Variants in STK32B observed in about 807,000 individuals in gnomAD.
STK32B encodes the protein serine/threonine kinase 32B, also known as serine/threonine-protein kinase 32B.
STK32B carries 43 observed loss-of-function variants against 52.6 expected under a neutral mutation model. The observed-to-expected ratio is 0.82, with a 90% CI of 0.64 to 1.05. The LOEUF (loss-of-function observed/expected upper bound fraction) is 1.05, where lower values mean the gene tolerates loss of function less well. Among genes scored for constraint, STK32B ranks in the 50% least tolerant of loss-of-function variants. STK32B has a pLI of 0.00. For synonymous variants in STK32B, 238 were observed against 204.3 expected, an observed-to-expected ratio of 1.17 and a Z score of -1.41; for missense variants, 621 against 534.6, an observed-to-expected ratio of 1.16 and a Z score of -1.59.
chr4:5,439,802 A>G (rs955944667), intron 6 of STK32B, among the ~76,000 whole-genome samples: 10 of 152,032 alleles, frequency 6.6e-5, no homozygotes, highest in Admixed American at 6.5e-4. Context: ...GAAGGGATCC[A>G]GTTTCAGCTT....
chr4:5,489,148 C>T (rs983988323), intron 11 of STK32B, among the ~76,000 whole-genome samples: 1 of 151,994 alleles, frequency 6.6e-6, no homozygotes, highest in Non-Finnish European at 1.5e-5. Context: ...TTAAACATAA[C>T]CTTAAGATTT....
intron 3 of STK32B, among the ~76,000 whole-genome samples, chr4:5,281,023 G>T (rs1728158483): frequency 6.6e-6 from 1 of 152,154 alleles, no homozygotes; most frequent in Non-Finnish European, 1.5e-5. Flanking sequence ...CGTGGCTGGG[G>T]ATGCCTCAGG....
At chr4:5,241,432 C>T (rs906019454) in intron 3 of STK32B, among the ~76,000 whole-genome samples, 1 of 152,108 alleles carries the variant, frequency 6.6e-6, no homozygotes, top group African/African-American at 2.4e-5. Flanking sequence ...CTGACCAGCA[C>T]CTGGAGTGCA....
intron 4 of STK32B, among the ~76,000 whole-genome samples, chr4:5,359,892 C>A (rs1351506271): frequency 6.6e-6 from 1 of 152,152 alleles, no homozygotes; most frequent in Non-Finnish European, 1.5e-5. Context: ...TCAGCCTCTG[C>A]TTTTACTCTG....
chr4:5,500,500 A>ATTTG lies in STK32B; in HGVS notation c.*1424_*1427dup, dbSNP rs1183147895. ...AAATGTTCTTCCTGGGGTCTTTGAT[A>ATTTG]TTTGTTTGTTACATCCTGCTGAAGT... On this transcript the variant is annotated 3_prime_UTR_variant, in exon 12 of 12. Transcript: ENST00000282908. The ATTTG allele has an allele frequency of 1.3e-5, 2 of 151,962 alleles. No individual in the cohort carries two copies. Among genetic ancestry groups the ATTTG allele is most frequent in the Admixed American group, 6.6e-5 (1 of 15,252 alleles). The allele number at this position is 151,962 out of a possible 1,614,324, so 9.4% of individuals were successfully genotyped here.
chr4:5,240,052 T>TTCTC (rs10563867), intron 3 of STK32B, among the ~76,000 whole-genome samples: 13 of 147,888 alleles, frequency 8.8e-5, no homozygotes, highest in South Asian at 2.2e-4. Flanking sequence ...TTCATTTCTC[T>TTCTC]TCTCTCTCTC....
In STK32B at chr4:5,385,952, TCCACCCACAGCCCCCACTC is replaced by T. The variant is rs1450338275; in HGVS notation, c.435-12254_435-12236del. On this transcript the variant is annotated intron_variant, in intron 4 of 11. Transcript: ENST00000282908. ...CCCACCCACAGCCCCCACTCACAGC[TCCACCCACAGCCCCCACTC>T]ACAGCTCCACCCACAGCCCCCACCC... Among the ~76,000 whole-genome samples, 116 of 12,742 alleles carry T rather than the reference TCCACCCACAGCCCCCACTC, an allele frequency of 9.1e-3. 1 individual carries two copies. The highest frequency in any genetic ancestry group is 2.3e-3 in the Non-Finnish European group (17 of 7,482). 8.4% of individuals were successfully genotyped at this position (12,742 alleles called of 152,430 possible). A position where few individuals can be genotyped will look rare whatever the true frequency, so the allele number is the denominator to read the frequency against.
chr4:5,031,486 C>G, the STK32B span, among the ~76,000 whole-genome samples: 6 of 152,074 alleles, frequency 3.9e-5, no homozygotes, highest in South Asian at 1.2e-3. Context: ...GTGGTCCTAG[C>G]TACTGGGGAG....
At chr4:5,130,169 G>A (rs1007940904) in intron 1 of STK32B, among the ~76,000 whole-genome samples, 11 of 143,118 alleles carry the variant, frequency 7.7e-5, no homozygotes, top group Admixed American at 7.4e-5. Context: ...CACCTTCTCC[G>A]GCGGGGGGAG....
intron 8 of STK32B, among the ~76,000 whole-genome samples, chr4:5,457,585 C>T (rs1380047677): frequency 6.6e-6 from 1 of 150,770 alleles, no homozygotes; most frequent in African/African-American, 2.4e-5. Flanking sequence ...TTGGGTATCT[C>T]GGCTGGGCGC....
intron 6 of STK32B, among the ~76,000 whole-genome samples, chr4:5,438,344 T>C (rs1012161332): frequency 6.6e-6 from 1 of 152,180 alleles, no homozygotes; most frequent in African/African-American, 2.4e-5. Context: ...AAGCATTAAA[T>C]ATTCACTCAT....
the STK32B span, among the ~76,000 whole-genome samples, chr4:5,037,817 C>G: frequency 2.6e-5 from 4 of 152,208 alleles, no homozygotes; most frequent in Non-Finnish European, 4.4e-5. Context: ...TACCACTGCA[C>G]TGTTTTCTTC....
the STK32B span, among the ~76,000 whole-genome samples, chr4:5,044,373 C>T: frequency 6.6e-6 from 1 of 152,148 alleles, no homozygotes; most frequent in Admixed American, 6.5e-5. Context: ...GGGACTGCTA[C>T]ACACCCACCA....
Position 5,244,696 on chromosome 4 carries a change from T to A in STK32B, c.260+76246T>A, listed in dbSNP as rs1725311812. ...GGTGTCAATTTTAGATCTTTCCTGC[T>A]TTCTCTTGTGGGCATTTACTGCTAT... On this transcript the variant is annotated intron_variant, in intron 3 of 11. Coordinates refer to ENST00000282908, the MANE Select transcript of STK32B (RefSeq NM_018401.3). Among the ~76,000 whole-genome samples, 3 of 152,326 alleles carry A rather than the reference T, an allele frequency of 2.0e-5. No homozygotes were observed. The South Asian group carries it at 6.2e-4, about 32-fold the overall frequency.
At chr4:5,468,763 A>G (rs1202538042) in intron 11 of STK32B, among the ~76,000 whole-genome samples, 1 of 152,094 alleles carries the variant, frequency 6.6e-6, no homozygotes, top group East Asian at 1.9e-4. Flanking sequence ...GTTCCAGCCA[A>G]TGATAATATC....
chr4:5,460,029 C>T lies in STK32B; in HGVS notation c.784-74C>T, dbSNP rs1285639505. ...CAGAGGCACATTAATTGCCCTGAGA[C>T]CCCCTCCTTCAGAGTCCCCGCTAAC... On this transcript the variant is annotated intron_variant, in intron 8 of 11. Coordinates refer to ENST00000282908, the MANE Select transcript of STK32B (RefSeq NM_018401.3). The surrounding 1 kb of genome is among the most constrained non-coding windows in gnomAD (Gnocchi z 4.8). The T allele has an allele frequency of 3.7e-6, 6 of 1,608,328 alleles. No individual in the cohort carries two copies. Among genetic ancestry groups the T allele is most frequent in the African/African-American group, 2.7e-5 (2 of 74,800 alleles).
intron 4 of STK32B, among the ~76,000 whole-genome samples, chr4:5,366,630 G>T (rs201029658): frequency 6.6e-6 from 1 of 152,222 alleles, no homozygotes; most frequent in South Asian, 2.1e-4. Flanking sequence ...CGGCCCAGGC[G>T]ATGACTCAAA....
intron 3 of STK32B, among the ~76,000 whole-genome samples, chr4:5,234,352 G>A (rs1026929291): frequency 1.6e-4 from 25 of 152,160 alleles, no homozygotes; most frequent in Admixed American, 1.4e-3. Context: ...TGCCTGGCAC[G>A]TAGGAAAAGT....
In STK32B at chr4:5,444,397, G is replaced by A. The variant is rs539333485; in HGVS notation, c.563-2276G>A. Among the ~76,000 whole-genome samples, 15 of 152,326 alleles carry A rather than the reference G, an allele frequency of 9.8e-5. No homozygotes were observed. The South Asian group carries it at 1.4e-3, about 15-fold the overall frequency. On this transcript the variant is annotated intron_variant, in intron 6 of 11. Transcript: ENST00000282908. ...CGTCCGTCACCCCTTTCTTTGACTC[G>A]GAAAGGGAACTCCCTGACCCCTTGC...
Sources: gnomAD v4.1 joint callset for allele counts (sites outside exome capture counted in the v4.1 genomes callset) on GRCh38, gnomAD v4.1.1 for gene constraint, Gnocchi (gnomAD v3.1) non-coding constraint, MANE v1.5 for transcripts, NCBI Gene and HGNC (gene_info 2026-07-23, HGNC 2026-07-21) for gene names.